CDH9: variants seen among roughly 807,000 people sequenced by gnomAD.
CDH9 encodes cadherin-9.
In CDH9, 28 loss-of-function variants were observed where a neutral mutation model predicts 70.9. That is an observed-to-expected ratio of 0.40 (90% CI 0.29 to 0.54). The LOEUF (loss-of-function observed/expected upper bound fraction) is 0.54. Among genes scored for constraint, CDH9 ranks in the 20% least tolerant of loss-of-function variants. CDH9 has a pLI of 0.59. For synonymous variants in CDH9, 409 were observed against 343.1 expected (o/e 1.19, Z -2.12); for missense variants, 874 against 984.4 (o/e 0.89, Z 1.50).
chr5:26,889,982 T>A, intron 8 of CDH9, 25 bp from the exon 9 acceptor site: 2 of 1,606,466 alleles, frequency 1.2e-6, no homozygotes, highest in Admixed American at 3.4e-5. Flanking sequence ...CGTGTAAGAT[T>A]TCAGTCTCAT....
intron 3 of CDH9, among the ~76,000 whole-genome samples, chr5:26,908,335 C>CA (rs149115250): frequency 1 from 152,176 of 152,178 alleles, 76,087 homozygotes; most frequent in Middle Eastern, 1. Context: ...AGAAGTTCAA[C>CA]AAGTGTTTTT....
At chr5:26,889,554 G>A (rs1473486990) in intron 9 of CDH9, among the ~76,000 whole-genome samples, 1 of 151,978 alleles carries the variant, frequency 6.6e-6, no homozygotes, top group Non-Finnish European at 1.5e-5. Flanking sequence ...AATTATGAAT[G>A]CAGGTAACAG....
chr5:26,974,342 G>C (rs1021917905), intron 2 of CDH9, among the ~76,000 whole-genome samples: 1 of 116,528 alleles, frequency 8.6e-6, no homozygotes, highest in African/African-American at 3.0e-5. Context: ...AAACATGATA[G>C]GTGCTTTTTT....
At chr5:26,969,428 T>G (rs1164883682) in intron 2 of CDH9, among the ~76,000 whole-genome samples, 1 of 152,236 alleles carries the variant, frequency 6.6e-6, no homozygotes, top group Non-Finnish European at 1.5e-5. Context: ...ATTGTCATTG[T>G]GAGTGAAGCC....
At chr5:26,979,226 T>C (rs994713029) in intron 2 of CDH9, among the ~76,000 whole-genome samples, 1 of 151,454 alleles carries the variant, frequency 6.6e-6, no homozygotes. Flanking sequence ...TAGAACAAAG[T>C]CTTGCAAGAT....
chr5:26,945,949 AT>A (rs910676999), intron 2 of CDH9, among the ~76,000 whole-genome samples: 1 of 152,134 alleles, frequency 6.6e-6, no homozygotes, highest in African/African-American at 2.4e-5. Context: ...TTGCAAGTGG[AT>A]TATTTAACAA....
intron 2 of CDH9, among the ~76,000 whole-genome samples, chr5:26,919,367 A>G (rs554612250): frequency 6.6e-6 from 1 of 152,290 alleles, no homozygotes; most frequent in East Asian, 1.9e-4. Flanking sequence ...TGGAGAAAGC[A>G]TTTAGACTAA....
chr5:26,983,875 T>TA (rs1187498674), intron 2 of CDH9, among the ~76,000 whole-genome samples: 1 of 152,106 alleles, frequency 6.6e-6, no homozygotes, highest in Non-Finnish European at 1.5e-5. Context: ...CTGAAAAGCT[T>TA]AAGAAAAAGT....
intron 1 of CDH9, among the ~76,000 whole-genome samples, chr5:27,018,009 A>T (rs1476664704): frequency 6.6e-6 from 1 of 151,696 alleles, no homozygotes; most frequent in Non-Finnish European, 1.5e-5. Flanking sequence ...ATTAACTTTG[A>T]TTTTTTTCTA....
intron 1 of CDH9, among the ~76,000 whole-genome samples, chr5:27,021,791 C>A (rs1479266994): frequency 1.3e-5 from 2 of 151,960 alleles, no homozygotes; most frequent in Non-Finnish European, 2.9e-5. Flanking sequence ...TGTAAAACTG[C>A]ATTTTACAAC....
chr5:26,949,296 A>G (rs1297569730), intron 2 of CDH9, among the ~76,000 whole-genome samples: 1 of 152,184 alleles, frequency 6.6e-6, no homozygotes, highest in Non-Finnish European at 1.5e-5. Flanking sequence ...GATAGGTGTT[A>G]GTAAGGTGGC....
At chr5:26,988,050 A>C in intron 2 of CDH9, 56 bp downstream of exon 2, 1 of 1,327,212 alleles carries the variant, frequency 7.5e-7, no homozygotes, top group Non-Finnish European at 1.0e-6. Flanking sequence ...AGTTGCTGGA[A>C]AAAAATAAAT....
intron 1 of CDH9, among the ~76,000 whole-genome samples, chr5:27,027,623 A>G (rs1214261730): frequency 6.6e-6 from 1 of 152,088 alleles, no homozygotes; most frequent in African/African-American, 2.4e-5. Context: ...TTTTGTAAGT[A>G]GGATATCTGG....
At chr5:26,980,495 C>T (rs998583780) in intron 2 of CDH9, among the ~76,000 whole-genome samples, 1 of 151,902 alleles carries the variant, frequency 6.6e-6, no homozygotes, top group African/African-American at 2.4e-5. Flanking sequence ...CACAATATTT[C>T]CCTGGCATTT....
At chr5:26,971,399 T>A (rs1400352472) in intron 2 of CDH9, among the ~76,000 whole-genome samples, 2 of 152,164 alleles carry the variant, frequency 1.3e-5, no homozygotes, top group Non-Finnish European at 2.9e-5. Context: ...CTCTCACTAT[T>A]TCATTCCAAC....
At chr5:27,030,404 G>A (rs1743292144) in intron 1 of CDH9, among the ~76,000 whole-genome samples, 1 of 151,588 alleles carries the variant, frequency 6.6e-6, no homozygotes, top group African/African-American at 2.4e-5. Context: ...GGTTAAAAAG[G>A]AGAAGCACTT....
At chr5:27,020,745 C>T (rs1307697386) in intron 1 of CDH9, among the ~76,000 whole-genome samples, 1 of 149,146 alleles carries the variant, frequency 6.7e-6, no homozygotes, top group Non-Finnish European at 1.5e-5. Context: ...CACACACACA[C>T]ACTATATATA....
intron 5 of CDH9, 51 bp downstream of exon 5, chr5:26,905,908 C>T: frequency 7.4e-7 from 1 of 1,346,246 alleles, no homozygotes; most frequent in Non-Finnish European, 1.1e-6. Context: ...AACTCGGCTA[C>T]TAGTGTATTT....
intron 9 of CDH9, among the ~76,000 whole-genome samples, chr5:26,889,331 A>G (rs1364785828): frequency 6.6e-6 from 1 of 152,140 alleles, no homozygotes; most frequent in African/African-American, 2.4e-5. Flanking sequence ...TTTTACAAAC[A>G]AATCTACTTC....
Sources: gnomAD v4.1 joint callset for allele counts (sites outside exome capture counted in the v4.1 genomes callset) on GRCh38, gnomAD v4.1.1 for gene constraint, MANE v1.5 for transcripts, NCBI Gene and HGNC (gene_info 2026-07-23, HGNC 2026-07-21) for gene names.